HSF2: variants seen among roughly 807,000 people sequenced by gnomAD.
HSF2 encodes the protein heat shock transcription factor 2.
HSF2 carries 21 observed loss-of-function variants against 65.0 expected under a neutral mutation model. That is an observed-to-expected ratio of 0.32 (90% confidence interval 0.23 to 0.47). The LOEUF (loss-of-function observed/expected upper bound fraction) is 0.47. Ranked by LOEUF, HSF2 falls within the 20% of genes least tolerant of loss-of-function variation. The pLI, the probability that HSF2 is intolerant of heterozygous loss-of-function variation, is 1.00. For synonymous variants in HSF2, 225 were observed against 219.1 expected (o/e 1.03, Z -0.24); for missense variants, 499 against 628.1 (o/e 0.79, Z 2.20).
intron 10 of HSF2, among the ~76,000 whole-genome samples, chr6:122,424,081 G>A (rs918248489): frequency 6.6e-6 from 1 of 151,736 alleles, no homozygotes; most frequent in Non-Finnish European, 1.5e-5. Context: ...GATACTTTGG[G>A]GATTAACATT....
At chr6:122,423,916 A>G (rs959793212) in intron 10 of HSF2, among the ~76,000 whole-genome samples, 67 of 152,116 alleles carry the variant, frequency 4.4e-4, no homozygotes, top group Admixed American at 1.1e-3. Flanking sequence ...CTGTGAGAAC[A>G]TATCAGATCT....
At chr6:122,416,943 C>T (rs548056155) in intron 5 of HSF2, among the ~76,000 whole-genome samples, 1 of 152,256 alleles carries the variant, frequency 6.6e-6, no homozygotes, top group South Asian at 2.1e-4. Flanking sequence ...GTAATTAAGG[C>T]AGCTATTTTT....
intron 1 of HSF2, among the ~76,000 whole-genome samples, chr6:122,411,608 G>T (rs1016915946): frequency 5.9e-5 from 9 of 151,798 alleles, no homozygotes; most frequent in Non-Finnish European, 1.2e-4. Context: ...TTTTATATAT[G>T]TTATCAGATA....
In HSF2 at chr6:122,413,567, G is replaced by T. The variant is rs1009534860; in HGVS notation, c.373G>T (p.Asp125Tyr). 8 of 1,594,408 alleles carry T rather than the reference G, an allele frequency of 5.0e-6. No homozygotes were observed. In the South Asian group the frequency reaches 8.9e-5, roughly 18 times the overall value. Residue 125 changes from aspartate to tyrosine, a missense_variant, in exon 4 of 13, where the codon GAT becomes TAT. This residue lies in a region of HSF2 where 150 missense variants were observed against 234.6 expected (regional missense o/e 0.64). Transcript: ENST00000368455. The part of the protein sequence containing the change: ...KPEENKIRQE[D>Y]LTKIISSAQK... ...AGAAGAAAATAAAATTCGTCAGGAA[G>T]ATTTAACAAAAATTATAAGTAGTGC...
At chr6:122,413,901 T>A (rs960588852) in intron 4 of HSF2, among the ~76,000 whole-genome samples, 3 of 152,174 alleles carry the variant, frequency 2.0e-5, no homozygotes, top group Admixed American at 6.5e-5. Flanking sequence ...AACAGTTTGA[T>A]GTATAAGTCT....
chr6:122,424,289 T>A (rs962918089), intron 10 of HSF2, among the ~76,000 whole-genome samples: 1 of 152,066 alleles, frequency 6.6e-6, no homozygotes, highest in East Asian at 1.9e-4. Flanking sequence ...CTGCTATTCC[T>A]CCCTTCTTTA....
chr6:122,403,461 G>A (rs1455627701), intron 1 of HSF2, among the ~76,000 whole-genome samples: 1 of 152,008 alleles, frequency 6.6e-6, no homozygotes, highest in African/African-American at 2.4e-5. Flanking sequence ...ACAGAAAGTA[G>A]CCAGGTATGG....
Position 122,431,411 on chromosome 6 carries a change from A to T in HSF2, c.1231-19A>T. On this transcript the variant is annotated intron_variant, in intron 11 of 12. Coordinates refer to ENST00000368455, the MANE Select transcript of HSF2 (RefSeq NM_004506.4). ...TAAAATATGAAACAAGTACTTATAT[A>T]TATATTTTTTTCTTTTAGTCTGAGA... 8.1e-7 allele frequency: 1 copy of T among 1,234,712 alleles called. No individual in the cohort carries two copies. Among genetic ancestry groups the T allele is most frequent in the Non-Finnish European group, 1.1e-6 (1 of 891,136 alleles). 76.5% of individuals were successfully genotyped at this position (1,234,712 alleles called of 1,614,324 possible).
chr6:122,422,189 A>G lies in HSF2; in HGVS notation c.721A>G (p.Arg241Gly). 1 of 1,606,056 alleles carries G rather than the reference A, an allele frequency of 6.2e-7. No individual in the cohort carries two copies. Among genetic ancestry groups the G allele is most frequent in the Non-Finnish European group, 8.5e-7 (1 of 1,173,974 alleles). Residue 241 changes from arginine to glycine, a missense_variant, in exon 8 of 13, where the codon AGG becomes GGG. Arg to Gly is a moderately radical substitution (Grantham distance 125, BLOSUM62 -2). Around this residue, in one of 2 missense-constraint regions of HSF2, gnomAD observed 349 missense variants for 393.5 expected, o/e 0.89. Transcript: ENST00000368455. ...GACTGAAGGTTTAAAGCCAAGGGAGAGGATTTCAGATGACATCATTATTTA... is the reference window on the plus strand; with the variant it reads ...GACTGAAGGTTTAAAGCCAAGGGAGGGGATTTCAGATGACATCATTATTTA... ...SRTEGLKPRERISDDIIIYDV... is the reference protein window; with the variant it reads ...SRTEGLKPREGISDDIIIYDV...
chr6:122,432,837 G>GGGGGT lies in HSF2; in HGVS notation c.*621_*625dup, dbSNP rs1286898443. On this transcript the variant is annotated 3_prime_UTR_variant, in exon 13 of 13. Coordinates refer to ENST00000368455, the MANE Select transcript of HSF2 (RefSeq NM_004506.4). ...CCAGCTCCATATATATAGAAAGATCGGGGGTGGGATGGGATGGAGTGAGCC... is the reference window on the plus strand; with the variant it reads ...CCAGCTCCATATATATAGAAAGATCGGGGGTGGGGTGGGATGGGATGGAGTGAGCC... 5 of 152,198 alleles carry GGGGGT rather than the reference G, an allele frequency of 3.3e-5. No homozygotes were observed. Among genetic ancestry groups the GGGGGT allele is most frequent in the African/African-American group, 1.2e-4 (5 of 41,414 alleles). 9.4% of individuals were successfully genotyped at this position (152,198 alleles called of 1,614,324 possible).
chr6:122,418,959 C>T (rs1442362064), intron 5 of HSF2, among the ~76,000 whole-genome samples: 1 of 152,084 alleles, frequency 6.6e-6, no homozygotes, highest in Non-Finnish European at 1.5e-5. Context: ...AAGTTTGGTA[C>T]TTATCACCAA....
At chr6:122,424,941 C>T (rs1047133672) in intron 10 of HSF2, among the ~76,000 whole-genome samples, 1 of 152,020 alleles carries the variant, frequency 6.6e-6, no homozygotes, top group African/African-American at 2.4e-5. Context: ...CAGTCAACAA[C>T]CCCTTATTCA....
At chr6:122,411,541 A>G (rs1464347910) in intron 1 of HSF2, among the ~76,000 whole-genome samples, 7 of 151,740 alleles carry the variant, frequency 4.6e-5, no homozygotes, top group Non-Finnish European at 1.0e-4. Context: ...ATGCTCTACT[A>G]TTGTTAAAAG....
At chr6:122,427,446 T>C (rs1027908886) in intron 10 of HSF2, among the ~76,000 whole-genome samples, 1 of 152,048 alleles carries the variant, frequency 6.6e-6, no homozygotes, top group Non-Finnish European at 1.5e-5. Flanking sequence ...GGGCTTCACT[T>C]GAGGCATAGT....
At chr6:122,413,446 C>G (rs1266668171) in intron 3 of HSF2, 79 bp from the exon 4 acceptor site, 2 of 1,081,446 alleles carry the variant, frequency 1.8e-6, no homozygotes, top group African/African-American at 1.6e-5. Flanking sequence ...CTACGAAAAC[C>G]TCTTCTAATA....
rs1037304765 is a variant in HSF2, at chr6:122,416,233, C to A, written c.468C>A (p.Ser156=). The change falls in exon 5 of 13, where the codon TCC becomes TCA. Residue 156 remains serine (S), a synonymous_variant. Coordinates refer to ENST00000368455, the MANE Select transcript of HSF2 (RefSeq NM_004506.4). The part of the protein sequence containing the change: ...RLSELKSENE[S]LWKEVSELRA... ...AATTATAACATAGTGAGAATGAGTC[C>A]CTTTGGAAGGAGGTGTCAGAATTAC... is the stretch of plus-strand genomic sequence containing the variant. 1.7e-5 allele frequency: 27 copies of A among 1,602,704 alleles called. No individual in the cohort carries two copies. The highest frequency in any genetic ancestry group is 2.1e-5 in the Non-Finnish European group (24 of 1,170,724).
At chr6:122,425,206 A>T (rs573769695) in intron 10 of HSF2, among the ~76,000 whole-genome samples, 1 of 152,084 alleles carries the variant, frequency 6.6e-6, no homozygotes, top group South Asian at 2.1e-4. Context: ...TTTACTACAA[A>T]ACTTTAGAAA....
intron 8 of HSF2, 92 bp downstream of exon 8, chr6:122,422,390 A>G: frequency 1.0e-6 from 1 of 982,432 alleles, no homozygotes; most frequent in Non-Finnish European, 1.6e-6. Context: ...TTTGAAAAAT[A>G]ATAATCTTTC....
intron 5 of HSF2, 89 bp from the exon 6 acceptor site, chr6:122,419,076 AATT>A (rs1774180748): frequency 1.5e-6 from 1 of 659,306 alleles, no homozygotes. Context: ...TTAGAGGACA[AATT>A]ATTATATGAA....
Sources: allele counts gnomAD v4.1 joint callset (sites outside exome capture counted in the v4.1 genomes callset), GRCh38; gene constraint gnomAD v4.1.1; regional missense constraint gnomAD v4.1.1; transcripts MANE v1.5; gene names NCBI Gene and HGNC (gene_info 2026-07-23, HGNC 2026-07-21).